ZNF469: variants seen among roughly 807,000 people sequenced by gnomAD.
The protein encoded by ZNF469 is zinc finger protein 469.
Under a neutral mutation model 1.0 loss-of-function variants are expected in ZNF469, and 1 was observed. That is an observed-to-expected ratio of 1.00 (90% CI 0.35 to 4.73). ZNF469 has a LOEUF of 4.73. Among genes scored for constraint, ZNF469 ranks in the 30% most tolerant of loss-of-function variants. The probability of loss-of-function intolerance (pLI) is 0.16; values close to 1 mark genes in which losing one functional copy is unlikely to be tolerated. For synonymous variants in ZNF469, 2,703 were observed against 2,363.4 expected (o/e 1.14, Z -4.17); for missense variants, 6,100 against 5,356.3 (o/e 1.14, Z -4.33).
chr16:88,353,027 G>A, the ZNF469 span, among the ~76,000 whole-genome samples: 1 of 152,190 alleles, frequency 6.6e-6, no homozygotes, highest in East Asian at 1.9e-4. Context: ...GCAGGCCCCG[G>A]TGAGACTGCA....
chr16:88,274,513 C>G, the ZNF469 span, among the ~76,000 whole-genome samples: 1 of 152,230 alleles, frequency 6.6e-6, no homozygotes, highest in East Asian at 1.9e-4. Flanking sequence ...AGAAGTTTCA[C>G]AACAGATCAG....
At position 88,429,124 on chromosome 16, in the gene ZNF469, G is replaced by A. The variant is rs769955501; in HGVS notation, c.1654G>A (p.Gly552Arg). 35 of 1,549,946 alleles carry A rather than the reference G, an allele frequency of 2.3e-5. No homozygotes were observed. The highest frequency in any genetic ancestry group is 5.9e-5 in the South Asian group (5 of 84,064). Reference protein sequence around the residue: ...GGSPALFTYNGMTDPGAQPLF... With the variant: ...GGSPALFTYNRMTDPGAQPLF... ...CTCCCCAGCACTGTTCACCTACAAC[G>A]GAATGACAGACCCTGGGGCTCAGCC... is the stretch of plus-strand genomic sequence containing the variant. The change falls in exon 3 of 3, where the codon GGA becomes AGA. Residue 552 changes from glycine (G) to arginine (R), a missense_variant. Transcript: ENST00000565624.
At chr16:88,337,251 T>G in the ZNF469 span, among the ~76,000 whole-genome samples, 452 of 152,238 alleles carry the variant, frequency 3.0e-3, 4 homozygotes, top group African/African-American at 0.01. Context: ...AACTGAATCA[T>G]GGGGGCGGGC....
chr16:88,190,480 G>A, the ZNF469 span, among the ~76,000 whole-genome samples: 1 of 152,256 alleles, frequency 6.6e-6, no homozygotes, highest in Non-Finnish European at 1.5e-5. Flanking sequence ...AGGTGGAGGA[G>A]GGAGGACAGG....
chr16:88,224,353 T>C, the ZNF469 span, among the ~76,000 whole-genome samples: 114,220 of 152,206 alleles, frequency 0.75, 43,882 homozygotes, highest in Non-Finnish European at 0.85. Context: ...GCCCCGCAGG[T>C]GGTGAGTGAT....
chr16:88,414,168 G>A (rs1905246698), intron 1 of ZNF469, among the ~76,000 whole-genome samples: 1 of 152,234 alleles, frequency 6.6e-6, no homozygotes, highest in Non-Finnish European at 1.5e-5. Flanking sequence ...GAGTCCCCAG[G>A]AAGACAGGGT....
intron 1 of ZNF469, among the ~76,000 whole-genome samples, chr16:88,393,493 G>A (rs925405826): frequency 3.3e-5 from 5 of 152,372 alleles, no homozygotes; most frequent in East Asian, 3.9e-4. Context: ...TGCCGTAGGC[G>A]GGAGGTGCCT....
the ZNF469 span, among the ~76,000 whole-genome samples, chr16:88,220,925 C>A: frequency 1.3e-5 from 2 of 152,210 alleles, no homozygotes; most frequent in African/African-American, 4.8e-5. Flanking sequence ...TTGCTGCCAT[C>A]CACCTGCCCT....
At chr16:88,277,151 G>C in the ZNF469 span, among the ~76,000 whole-genome samples, 1 of 150,230 alleles carries the variant, frequency 6.7e-6, no homozygotes, top group Non-Finnish European at 1.5e-5. Context: ...GTAGATATCA[G>C]TGCACGGTTA....
the ZNF469 span, among the ~76,000 whole-genome samples, chr16:88,325,295 C>T: frequency 1.3e-5 from 2 of 149,968 alleles, no homozygotes; most frequent in Non-Finnish European, 3.0e-5. Context: ...CCGAGGTGCA[C>T]CCCGGGGGGC....
chr16:88,304,411 G>A, the ZNF469 span, among the ~76,000 whole-genome samples: 1 of 152,226 alleles, frequency 6.6e-6, no homozygotes, highest in Non-Finnish European at 1.5e-5. Context: ...AGAAGGGCCA[G>A]GACAGAGGAA....
At chr16:88,272,659 T>C in the ZNF469 span, among the ~76,000 whole-genome samples, 3 of 151,774 alleles carry the variant, frequency 2.0e-5, no homozygotes, top group African/African-American at 7.3e-5. Context: ...AGTGGACAGA[T>C]GAATGAACGG....
the ZNF469 span, among the ~76,000 whole-genome samples, chr16:88,185,041 G>A: frequency 8.0e-5 from 12 of 149,394 alleles, no homozygotes; most frequent in Middle Eastern, 3.5e-3. Flanking sequence ...AGGCACATAC[G>A]TATCCAGACA....
the ZNF469 span, among the ~76,000 whole-genome samples, chr16:88,322,378 C>T: frequency 1.3e-5 from 2 of 152,238 alleles, no homozygotes; most frequent in Admixed American, 1.3e-4. Context: ...GAGGCAATGG[C>T]TCCTGCACCT....
chr16:88,292,123 G>T, the ZNF469 span, among the ~76,000 whole-genome samples: 1 of 152,204 alleles, frequency 6.6e-6, no homozygotes, highest in Middle Eastern at 3.2e-3. Flanking sequence ...GGGGCCTGGA[G>T]AATGGAGCAA....
chr16:88,296,615 C>T, the ZNF469 span, among the ~76,000 whole-genome samples: 43 of 152,202 alleles, frequency 2.8e-4, no homozygotes, highest in South Asian at 8.3e-3. Flanking sequence ...CAGACATGCT[C>T]ACACTCATGC....
the ZNF469 span, among the ~76,000 whole-genome samples, chr16:88,225,282 G>C: frequency 6.6e-6 from 1 of 152,216 alleles, no homozygotes; most frequent in African/African-American, 2.4e-5. Flanking sequence ...CTGATTTCCC[G>C]ATGTGGCTGA....
the ZNF469 span, among the ~76,000 whole-genome samples, chr16:88,175,410 C>T: frequency 1.3e-5 from 2 of 152,314 alleles, no homozygotes; most frequent in South Asian, 2.1e-4. Context: ...AAACATGGAA[C>T]ATTCATCAAA....
the ZNF469 span, among the ~76,000 whole-genome samples, chr16:88,372,092 TCAC>T: frequency 4.6e-4 from 41 of 89,414 alleles, no homozygotes; most frequent in Middle Eastern, 9.3e-3. Flanking sequence ...ATCATCACCA[TCAC>T]CACCATCATC....
Sources: allele counts gnomAD v4.1 joint callset (sites outside exome capture counted in the v4.1 genomes callset), GRCh38; gene constraint gnomAD v4.1.1; transcripts MANE v1.5; gene names NCBI Gene and HGNC (gene_info 2026-07-23, HGNC 2026-07-21).